Variants in WDR20 observed in about 807,000 individuals in gnomAD.
WDR20 encodes the protein WD repeat-containing protein 20.
WDR20 carries 3 observed loss-of-function variants against 38.7 expected under a neutral mutation model. That is an observed-to-expected ratio of 0.08 (90% CI 0.04 to 0.20). The LOEUF is 0.20. Ranked by LOEUF, WDR20 falls within the 10% of genes least tolerant of loss-of-function variation. The pLI is 1.00. For synonymous variants in WDR20, 298 were observed against 285.6 expected (o/e 1.04, Z -0.44); for missense variants, 559 against 727.7 (o/e 0.77, Z 2.67).
intron 1 of WDR20, among the ~76,000 whole-genome samples, chr14:102,154,536 C>T (rs1262043495): frequency 6.6e-6 from 1 of 152,158 alleles, no homozygotes; most frequent in African/African-American, 2.4e-5. Flanking sequence ...TGAGGGGACA[C>T]AAACATTCAG....
At chr14:102,157,966 AGT>A (rs1448164042) in intron 1 of WDR20, among the ~76,000 whole-genome samples, 1 of 152,094 alleles carries the variant, frequency 6.6e-6, no homozygotes, top group East Asian at 1.9e-4. Context: ...TTAGGGCTGA[AGT>A]CATCAGATTG....
intron 2 of WDR20, among the ~76,000 whole-genome samples, chr14:102,201,352 T>C (rs1479796132): frequency 1.3e-5 from 2 of 152,162 alleles, no homozygotes; most frequent in African/African-American, 4.8e-5. Flanking sequence ...GATTTTTGCT[T>C]ATCATATTGA....
chr14:102,140,096 A>G lies in WDR20; in HGVS notation c.173A>G (p.Gln58Arg), dbSNP rs773485048. 2 of 1,614,052 alleles carry G rather than the reference A, an allele frequency of 1.2e-6. No individual in the cohort carries two copies. Among genetic ancestry groups the G allele is most frequent in the Admixed American group, 3.3e-5 (2 of 60,008 alleles). Residue 58 changes from glutamine to arginine, a missense_variant, in exon 1 of 3, where the codon CAG becomes CGG. Coordinates refer to ENST00000342702, the MANE Select transcript of WDR20 (RefSeq NM_144574.4). ...VRVSFVNLND[Q>R]SGNGDRLCFN... Reference sequence around the variant, plus strand: ...GTCTCCTTCGTAAACCTCAACGACCAGTCTGGCAACGGCGACCGCCTCTGC... The same window carrying G: ...GTCTCCTTCGTAAACCTCAACGACCGGTCTGGCAACGGCGACCGCCTCTGC...
At chr14:102,169,808 G>T (rs1357275207) in intron 1 of WDR20, among the ~76,000 whole-genome samples, 1 of 152,180 alleles carries the variant, frequency 6.6e-6, no homozygotes, top group East Asian at 1.9e-4. Context: ...GATTACAGGA[G>T]TGAGCCACCG....
chr14:102,182,307 C>A (rs904293523), intron 1 of WDR20, among the ~76,000 whole-genome samples: 1 of 152,146 alleles, frequency 6.6e-6, no homozygotes, highest in Admixed American at 6.5e-5. Context: ...ACACTGAATG[C>A]CATTTGAAGA....
chr14:102,224,662 C>G (rs1225014686), downstream of WDR20: 1 of 456,048 alleles, frequency 2.2e-6, no homozygotes, highest in African/African-American at 2.0e-5. Context: ...CGGAAAACTT[C>G]ACATCAGCTC....
intron 2 of WDR20, among the ~76,000 whole-genome samples, chr14:102,197,090 G>A (rs1449360990): frequency 6.6e-6 from 1 of 152,192 alleles, no homozygotes; most frequent in Non-Finnish European, 1.5e-5. Flanking sequence ...AGGTTTCAAG[G>A]CACTTTTACC....
chr14:102,214,375 G>A (rs1011880344), downstream of WDR20: 15 of 985,330 alleles, frequency 1.5e-5, no homozygotes, highest in African/African-American at 1.9e-4. Context: ...TAGTCTGGCC[G>A]AAGTGAAGTC....
At chr14:102,145,913 A>G (rs1244093746) in intron 1 of WDR20, among the ~76,000 whole-genome samples, 1 of 152,188 alleles carries the variant, frequency 6.6e-6, no homozygotes, top group Non-Finnish European at 1.5e-5. Flanking sequence ...AGTGGTAACT[A>G]CAGGAGGTAG....
At chr14:102,224,564 T>A (rs1001299600), downstream of WDR20, 2 of 455,970 alleles carry the variant, frequency 4.4e-6, no homozygotes, top group Non-Finnish European at 8.8e-6. Flanking sequence ...TTTCTCTAAT[T>A]CATCACATTA....
At chr14:102,194,444 G>A (rs2059074722) in intron 1 of WDR20, among the ~76,000 whole-genome samples, 1 of 152,188 alleles carries the variant, frequency 6.6e-6, no homozygotes, top group Non-Finnish European at 1.5e-5. Flanking sequence ...TGAGGTTTGA[G>A]ATTTTTGCAT....
rs2059209919 is a variant in WDR20 at position 102,195,220 on chromosome 14, T to C, written c.432+100T>C. On this transcript the variant is annotated intron_variant, in intron 2 of 2. Coordinates refer to ENST00000342702, the MANE Select transcript of WDR20 (RefSeq NM_144574.4). The stretch of plus-strand genomic sequence containing the variant: ...TATTTTGCACTTCAAGCTAAGCCCA[T>C]TTTTTATTCGCCCAGCCCTCCTACC... 2.2e-6 allele frequency: 3 copies of C among 1,346,688 alleles called. No individual in the cohort carries two copies. The South Asian group carries it at 4.3e-5, about 19-fold the overall frequency. The allele number at this position is 1,346,688 out of a possible 1,614,324, so 83.4% of individuals were successfully genotyped here.
At chr14:102,189,635 G>A (rs2065836577) in intron 1 of WDR20, among the ~76,000 whole-genome samples, 1 of 152,074 alleles carries the variant, frequency 6.6e-6, no homozygotes, top group South Asian at 2.1e-4. Flanking sequence ...AATCTGAGTG[G>A]AAAAAAACTT....
chr14:102,191,699 T>C (rs765066992), intron 1 of WDR20, among the ~76,000 whole-genome samples: 57 of 152,184 alleles, frequency 3.7e-4, no homozygotes, highest in Non-Finnish European at 5.4e-4. Context: ...AGGTGACATG[T>C]TGCCTGGCTG....
Position 102,222,049 on chromosome 14 carries a change from A to G in WDR20, c.1693-781A>G, listed in dbSNP as rs575821025. ...GGTTAAACCCTCTTAGGTTTACCCAAGGTCACACCAGTATTGTAAAATCTG... is the reference window on the plus strand; with the variant it reads ...GGTTAAACCCTCTTAGGTTTACCCAGGGTCACACCAGTATTGTAAAATCTG... On this transcript the variant is annotated intron_variant, in intron 3 of 3. Transcript: ENST00000335263. The surrounding 1 kb of genome is among the most constrained non-coding windows in gnomAD (Gnocchi z 4.4). Among the ~76,000 whole-genome samples, 2 of 152,304 alleles carry G rather than the reference A, an allele frequency of 1.3e-5. No homozygotes were observed. The highest frequency in any genetic ancestry group is 4.1e-4 in the South Asian group (2 of 4,822).
intron 2 of WDR20, among the ~76,000 whole-genome samples, chr14:102,195,626 C>T (rs529282537): frequency 7.2e-5 from 11 of 152,288 alleles, no homozygotes; most frequent in Admixed American, 5.2e-4. Flanking sequence ...GAAATCCTGG[C>T]GCTTAAAGTT....
At chr14:102,185,791 G>A (rs114881214) in intron 1 of WDR20, among the ~76,000 whole-genome samples, 1 of 150,282 alleles carries the variant, frequency 6.7e-6, no homozygotes, top group African/African-American at 2.5e-5. Context: ...AGTCCAGCTG[G>A]GCGACAGAGC....
At position 102,220,057 on chromosome 14, in the gene WDR20, C is replaced by T. The variant is rs1016130805; in HGVS notation, c.1693-2773C>T. 6.6e-6 allele frequency among the ~76,000 whole-genome samples: 1 copy of T among 152,226 alleles called. No individual in the cohort carries two copies. The highest frequency in any genetic ancestry group is 2.4e-5 in the African/African-American group (1 of 41,458). On this transcript the variant is annotated intron_variant, in intron 3 of 3. Coordinates refer to the WDR20 transcript ENST00000335263. This position sits in a 1 kb window ranked among gnomAD's most constrained non-coding sequence, Gnocchi z 4.2. ...GAGAATAGGAAGCCTGCAGCCCTCG[C>T]GTTGGGTCGCTTTCTAGGGGTGCGG...
At chr14:102,150,257 CTT>C (rs1173331195) in intron 1 of WDR20, among the ~76,000 whole-genome samples, 2 of 152,072 alleles carry the variant, frequency 1.3e-5, no homozygotes, top group East Asian at 3.9e-4. Flanking sequence ...GGGAGGATTT[CTT>C]GAGGCTAGGA....
Sources: gnomAD v4.1 joint callset for allele counts (sites outside exome capture counted in the v4.1 genomes callset) on GRCh38, gnomAD v4.1.1 for gene constraint, Gnocchi (gnomAD v3.1) non-coding constraint, MANE v1.5 for transcripts, NCBI Gene and HGNC (gene_info 2026-07-23, HGNC 2026-07-21) for gene names.